PLEKHA8: variants seen among roughly 807,000 people sequenced by gnomAD.
PLEKHA8 encodes the protein pleckstrin homology domain containing A8.
In PLEKHA8, 36 loss-of-function variants were observed where a neutral mutation model predicts 68.2. That is an observed-to-expected ratio of 0.53 (90% confidence interval 0.40 to 0.70). PLEKHA8 has a LOEUF of 0.70. PLEKHA8 is among the 30% of genes least tolerant of loss of function. The pLI, the probability that PLEKHA8 is intolerant of heterozygous loss-of-function variation, is 0.00. For missense variants in PLEKHA8, 505 were observed against 615.4 expected (o/e 0.82, Z 1.90); for synonymous variants, 211 against 216.1 (o/e 0.98, Z 0.20).
chr7:30,084,346 T>A lies in PLEKHA8; in HGVS notation c.*5559T>A. On this transcript the variant is annotated 3_prime_UTR_variant, in exon 14 of 14. Transcript: ENST00000449726. ...TGTTAATGTTACCTGTTCTTGTCTCTCAGCATTTTGAATGAGCATCATAAT... is the reference window on the plus strand; with the variant it reads ...TGTTAATGTTACCTGTTCTTGTCTCACAGCATTTTGAATGAGCATCATAAT... The A allele has an allele frequency of 1.0e-6, 1 of 985,408 alleles. No individual in the cohort carries two copies. Among genetic ancestry groups the A allele is most frequent in the Non-Finnish European group, 1.2e-6 (1 of 829,874 alleles). The allele number at this position is 985,408 out of a possible 1,614,324, so 61.0% of individuals were successfully genotyped here.
intron 13 of PLEKHA8, among the ~76,000 whole-genome samples, chr7:30,116,981 T>C (rs1796589009): frequency 6.6e-6 from 1 of 151,882 alleles, no homozygotes; most frequent in Non-Finnish European, 1.5e-5. Context: ...TTCAGGAGAG[T>C]GGGTGTGTGT....
intron 4 of PLEKHA8, 134 bp from the exon 5 acceptor site, chr7:30,049,090 T>C: frequency 9.3e-7 from 1 of 1,075,528 alleles, no homozygotes; most frequent in South Asian, 1.5e-5. Context: ...GGCTTTTCTT[T>C]TATAACTGAT....
At chr7:30,067,943 A>C (rs892717951) in intron 12 of PLEKHA8, among the ~76,000 whole-genome samples, 2 of 152,208 alleles carry the variant, frequency 1.3e-5, no homozygotes, top group African/African-American at 4.8e-5. Flanking sequence ...CGTTCCTTTC[A>C]CACATGTTCT....
At chr7:30,093,108 G>C (rs541864793), downstream of PLEKHA8, among the ~76,000 whole-genome samples, 10 of 152,258 alleles carry the variant, frequency 6.6e-5, no homozygotes, top group South Asian at 2.1e-3. Context: ...ATTTTACAGT[G>C]GGGTTAACAG....
At chr7:30,125,802 A>G (rs1312927722) in intron 13 of PLEKHA8, among the ~76,000 whole-genome samples, 1 of 152,142 alleles carries the variant, frequency 6.6e-6, no homozygotes, top group Non-Finnish European at 1.5e-5. Context: ...ATGTCTCATA[A>G]TTGTTATATC....
chr7:30,073,253 C>T (rs1346664261), intron 12 of PLEKHA8, among the ~76,000 whole-genome samples: 1 of 152,036 alleles, frequency 6.6e-6, no homozygotes, highest in Non-Finnish European at 1.5e-5. Flanking sequence ...AGCTTAAATA[C>T]TGTATATCCA....
At chr7:30,106,150 C>T (rs1796047892) in intron 13 of PLEKHA8, among the ~76,000 whole-genome samples, 1 of 151,932 alleles carries the variant, frequency 6.6e-6, no homozygotes, top group Non-Finnish European at 1.5e-5. Context: ...CCACTGCCTC[C>T]CAGGTTTAAG....
chr7:30,056,445 A>G (rs1792939353), intron 9 of PLEKHA8, among the ~76,000 whole-genome samples: 1 of 146,202 alleles, frequency 6.8e-6, no homozygotes, highest in South Asian at 2.1e-4. Context: ...AATGTATGTT[A>G]TGGCTGGGCA....
chr7:30,120,163 A>C (rs73686302), intron 13 of PLEKHA8, among the ~76,000 whole-genome samples: 23,232 of 149,456 alleles, frequency 0.16, 1,890 homozygotes, highest in African/African-American at 0.22. Context: ...AATTAAAAAA[A>C]AAAAAACAAA....
intron 13 of PLEKHA8, among the ~76,000 whole-genome samples, chr7:30,096,095 A>G (rs906814103): frequency 1.4e-4 from 21 of 152,126 alleles, no homozygotes; most frequent in Non-Finnish European, 2.4e-4. Context: ...GATGGCATTT[A>G]ATCTATAAAT....
rs1169759549 is a variant in PLEKHA8, at chr7:30,105,353, A to G, written c.1363-23913A>G. Among the ~76,000 whole-genome samples the G allele has an allele frequency of 2.0e-5, 3 of 146,720 alleles. No homozygotes were observed. The East Asian group carries it at 6.1e-4, about 30-fold the overall frequency. ...AAAAAAAAAAGCCATTCATGGTGGT[A>G]TATGCCTATAGTTCCAGGTACTCAG... On this transcript the variant is annotated intron_variant, in intron 13 of 13. Transcript: ENST00000396257.
intron 13 of PLEKHA8, among the ~76,000 whole-genome samples, chr7:30,126,418 C>T (rs1290430779): frequency 6.6e-6 from 1 of 152,200 alleles, no homozygotes; most frequent in Non-Finnish European, 1.5e-5. Flanking sequence ...CTAAGATCCT[C>T]AGGACAAGAG....
intron 13 of PLEKHA8, among the ~76,000 whole-genome samples, chr7:30,076,852 A>G (rs1327519633): frequency 6.6e-6 from 1 of 152,172 alleles, no homozygotes. Context: ...ATGTTAACTA[A>G]TCTCGGTTGC....
chr7:30,127,093 A>G lies in PLEKHA8; in HGVS notation c.1363-2173A>G, dbSNP rs558843980. ...TCAATAAGAATATCTTCTCCTTCTTACTAGGATATAATTGGATGAATCAGT... is the reference window on the plus strand; with the variant it reads ...TCAATAAGAATATCTTCTCCTTCTTGCTAGGATATAATTGGATGAATCAGT... On this transcript the variant is annotated intron_variant, in intron 13 of 13. Coordinates refer to the PLEKHA8 transcript ENST00000396257. Among the ~76,000 whole-genome samples, 8 of 152,356 alleles carry G rather than the reference A, an allele frequency of 5.3e-5. No homozygotes were observed. The South Asian group carries it at 1.7e-3, about 32-fold the overall frequency.
At chr7:30,114,434 C>T (rs1796363801) in intron 13 of PLEKHA8, among the ~76,000 whole-genome samples, 1 of 152,228 alleles carries the variant, frequency 6.6e-6, no homozygotes, top group Non-Finnish European at 1.5e-5. Context: ...GAACCCAGCA[C>T]TTTAGCTTCA....
At chr7:30,098,052 C>T (rs1007973784) in intron 13 of PLEKHA8, among the ~76,000 whole-genome samples, 1 of 152,214 alleles carries the variant, frequency 6.6e-6, no homozygotes, top group Non-Finnish European at 1.5e-5. Context: ...ACAGTCAGGA[C>T]CCTCAGCTGC....
intron 13 of PLEKHA8, among the ~76,000 whole-genome samples, chr7:30,105,810 A>G (rs1014488507): frequency 6.6e-6 from 1 of 152,130 alleles, no homozygotes; most frequent in South Asian, 2.1e-4. Context: ...TTTCTTTTCA[A>G]CTATAGATAC....
chr7:30,115,079 T>C (rs986383098), intron 13 of PLEKHA8, among the ~76,000 whole-genome samples: 23 of 152,172 alleles, frequency 1.5e-4, no homozygotes, highest in Non-Finnish European at 2.6e-4. Flanking sequence ...CCCACATCCT[T>C]ACCACTCACT....
chr7:30,100,185 C>A (rs1795798039), intron 13 of PLEKHA8, among the ~76,000 whole-genome samples: 1 of 152,184 alleles, frequency 6.6e-6, no homozygotes, highest in Non-Finnish European at 1.5e-5. Flanking sequence ...ATGACCCCAT[C>A]TTGACTATAT....
Sources: gnomAD v4.1 joint callset for allele counts (sites outside exome capture counted in the v4.1 genomes callset) on GRCh38, gnomAD v4.1.1 for gene constraint, MANE v1.5 for transcripts, NCBI Gene and HGNC (gene_info 2026-07-23, HGNC 2026-07-21) for gene names.